Variants in DST observed in about 807,000 individuals in gnomAD.
DST encodes dystonin.
Under a neutral mutation model 875.2 loss-of-function variants are expected in DST, and 253 were observed. The ratio of observed to expected loss-of-function variants is 0.29; its 90% CI spans 0.26 to 0.32. DST has a LOEUF of 0.32. Ranked by LOEUF, DST falls within the 10% of genes least tolerant of loss-of-function variation. DST has a pLI of 1.00. For synonymous variants in DST, 3,124 were observed against 3,197.1 expected, an observed-to-expected ratio of 0.98 and a Z score of 0.77; for missense variants, 8,287 against 9,111.6, an observed-to-expected ratio of 0.91 and a Z score of 3.68.
rs1296313409 is a variant in DST, at chr6:56,714,819, G to C, written c.688-10450C>G. Among the ~76,000 whole-genome samples the C allele has an allele frequency of 6.6e-6, 1 of 152,154 alleles. No homozygotes were observed. The highest frequency in any genetic ancestry group is 1.5e-5 in the Non-Finnish European group (1 of 68,014). On this transcript the variant is annotated intron_variant, in intron 5 of 103. Transcript: ENST00000680361. The surrounding 1 kb of genome is among the most constrained non-coding windows in gnomAD (Gnocchi z 4.5). Reference sequence around the variant, plus strand: ...ATTGATAACTCCTCCTCTAGTTACTGAAATCTTACTTTTCCTACTAGGTCA... The same window carrying C: ...ATTGATAACTCCTCCTCTAGTTACTCAAATCTTACTTTTCCTACTAGGTCA...
intron 36 of DST, among the ~76,000 whole-genome samples, chr6:56,623,975 A>G (rs2098712030): frequency 6.6e-6 from 1 of 151,792 alleles, no homozygotes; most frequent in South Asian, 2.1e-4. Context: ...GCCATGTGCT[A>G]TATCTTTTTG....
rs776402617 is a variant in DST, at chr6:56,552,874, A to T, written c.15918T>A (p.Ala5306=). 6.2e-7 allele frequency: 1 copy of T among 1,613,954 alleles called. No homozygotes were observed. The highest frequency in any genetic ancestry group is 8.5e-7 in the Non-Finnish European group (1 of 1,179,906). ...ACATGGTCAGGTATTTGTTACTGTA[A>T]GCCTGGGATCCCAGCGAATCATGGA... The part of the protein sequence containing the change: ...LDIHDSLGSQ[A]YSNKYLTMLQ... The change falls in exon 61 of 104, where the codon GCT becomes GCA. Residue 5306 remains alanine (A), a synonymous_variant. Transcript: ENST00000680361.
chr6:56,517,239 T>C lies in DST; in HGVS notation c.18316A>G (p.Ile6106Val). ...IDDLVKSGHK[I>V]MTACSEEEKQ... ...TCCTCTTCACTGCATGCGGTCATGA[T>C]TTTATGCCCAGATTTAACAAGGTCA... Residue 6106 changes from isoleucine (I) to valine (V), a missense_variant, in exon 71 of 104, where the codon ATC becomes GTC. Physicochemically the swap from Ile to Val is conservative, Grantham distance 29. This residue lies in a region of DST where 1,292 missense variants were observed against 1,552.7 expected (regional missense o/e 0.83). Coordinates refer to ENST00000680361, the MANE Select transcript of DST (RefSeq NM_001374736.1). 6.2e-7 allele frequency: 1 copy of C among 1,613,324 alleles called. No individual in the cohort carries two copies. The highest frequency in any genetic ancestry group is 8.5e-7 in the Non-Finnish European group (1 of 1,179,572).
chr6:56,476,338 C>A lies in DST; in HGVS notation c.21676-1G>T. The stretch of plus-strand genomic sequence containing the variant: ...GATGTTGCTTTGCCCAGGCCAGCAC[C>A]TGTCAGAGAAACAGAAATTTCTCTG... On this transcript the variant is annotated splice_acceptor_variant, in intron 91 of 103. Coordinates refer to ENST00000680361, the MANE Select transcript of DST (RefSeq NM_001374736.1). LOFTEE classifies it high-confidence loss of function. 6.4e-7 allele frequency: 1 copy of A among 1,554,784 alleles called. No homozygotes were observed.
chr6:56,696,584 A>T (rs2099265281), intron 9 of DST, among the ~76,000 whole-genome samples: 1 of 151,964 alleles, frequency 6.6e-6, no homozygotes, highest in South Asian at 2.1e-4. Context: ...AATTTTCTCA[A>T]ACTCAGCCTC....
chr6:56,728,579 G>T (rs1207239190), intron 5 of DST, among the ~76,000 whole-genome samples: 1 of 152,120 alleles, frequency 6.6e-6, no homozygotes, highest in African/African-American at 2.4e-5. Context: ...AGGAGGCTGA[G>T]GCACAAGAAT....
At chr6:56,465,527 A>G (rs771950128) in intron 99 of DST, among the ~76,000 whole-genome samples, 23 of 152,170 alleles carry the variant, frequency 1.5e-4, no homozygotes, top group Non-Finnish European at 2.2e-4. Context: ...CTTGGGCTGG[A>G]AGATATGTAG....
At position 56,604,621 on chromosome 6, in the gene DST, C is replaced by T. The variant is rs772782699; in HGVS notation, c.10007G>A (p.Arg3336Lys). The change falls in exon 40 of 104, where the codon AGA (arginine) becomes AAA (lysine). Residue 3336 changes from arginine (R) to lysine (K), a missense_variant. Coordinates refer to ENST00000680361, the MANE Select transcript of DST (RefSeq NM_001374736.1). ...AATCTGAACCTCCTTTTCTTGGGAT[C>T]TTGGAGACAAGGCTTGTTCTTTTGG... Reference protein sequence around the residue: ...QLPKEQALSPRSQEKEVQIPE... With the variant: ...QLPKEQALSPKSQEKEVQIPE... The T allele has an allele frequency of 6.2e-7, 1 of 1,612,286 alleles. No homozygotes were observed. Among genetic ancestry groups the T allele is most frequent in the South Asian group, 1.1e-5 (1 of 90,828 alleles).
intron 36 of DST, chr6:56,620,480 T>C (rs755171057): frequency 6.2e-7 from 1 of 1,614,180 alleles, no homozygotes; most frequent in Non-Finnish European, 8.5e-7. Context: ...CCTTATCTTC[T>C]GCAGAGAGAT....
Position 56,502,672 on chromosome 6 carries a change from A to C in DST, c.19567-979T>G, listed in dbSNP as rs567508767. 1.7e-4 allele frequency among the ~76,000 whole-genome samples: 26 copies of C among 152,210 alleles called. No individual in the cohort carries two copies. In the East Asian group the frequency reaches 4.2e-3, roughly 25 times the overall value. On this transcript the variant is annotated intron_variant, in intron 78 of 103. Transcript: ENST00000680361. ...AAAATAACCAAAATAAATTATCCAC[A>C]CCCATAATTGTACATAAAGTATATC...
At chr6:56,573,605 C>A (rs1384462124) in intron 51 of DST, 74 bp downstream of exon 51, 3 of 1,116,846 alleles carry the variant, frequency 2.7e-6, no homozygotes, top group African/African-American at 1.6e-5. Context: ...TATCTTAAAT[C>A]TAACTACACT....
intron 4 of DST, among the ~76,000 whole-genome samples, chr6:56,771,795 T>C (rs2099666698): frequency 2.0e-5 from 3 of 152,208 alleles, no homozygotes; most frequent in African/African-American, 7.2e-5. Context: ...ACTTTTCTTC[T>C]AAATGCACAT....
At chr6:56,664,490 C>T (rs901574758) in intron 10 of DST, among the ~76,000 whole-genome samples, 1 of 152,298 alleles carries the variant, frequency 6.6e-6, no homozygotes, top group South Asian at 2.1e-4. Context: ...GATTTCATTC[C>T]TCTATATCAA....
intron 6 of DST, 46 bp downstream of exon 6, chr6:56,704,232 GAA>G: frequency 9.9e-7 from 1 of 1,014,716 alleles, no homozygotes; most frequent in Non-Finnish European, 1.5e-6. Flanking sequence ...GTCCTATGCA[GAA>G]AAGATTACAC....
intron 2 of DST, among the ~76,000 whole-genome samples, chr6:56,920,362 C>G (rs1441903135): frequency 1.3e-5 from 2 of 152,186 alleles, no homozygotes; most frequent in African/African-American, 2.4e-5. Context: ...TATATATCAC[C>G]TCTACTTATA....
intron 2 of DST, among the ~76,000 whole-genome samples, chr6:56,919,345 T>C (rs1417571700): frequency 6.6e-6 from 1 of 152,206 alleles, no homozygotes. Flanking sequence ...CATCTGGAAT[T>C]AATCATATGT....
At chr6:56,644,433 C>T (rs181068721) in intron 15 of DST, among the ~76,000 whole-genome samples, 3 of 151,826 alleles carry the variant, frequency 2.0e-5, no homozygotes, top group African/African-American at 7.3e-5. Context: ...ATGTGTAAGG[C>T]ACAGAGAACA....
At position 56,954,486 on chromosome 6, in the gene DST, G is replaced by A. The variant is rs1824235604; in HGVS notation, c.102C>T (p.Phe34=). The change falls in exon 1 of 104, where the codon TTC becomes TTT. Residue 34 remains phenylalanine (F), a synonymous_variant. Coordinates refer to ENST00000680361, the MANE Select transcript of DST (RefSeq NM_001374736.1). ...LLLGTIATIV[F]FCCWHRKLQK... is the part of the protein sequence containing the mutation. ...GGAGCTTGCGGTGCCAGCAGCAGAAGAAGACGATGGTGGCGATGGTGCCCA... is the reference window on the plus strand; with the variant it reads ...GGAGCTTGCGGTGCCAGCAGCAGAAAAAGACGATGGTGGCGATGGTGCCCA... 1 of 1,367,450 alleles carries A rather than the reference G, an allele frequency of 7.3e-7. No homozygotes were observed. The highest frequency in any genetic ancestry group is 1.9e-5 in the Admixed American group (1 of 52,568). The allele number at this position is 1,367,450 out of a possible 1,614,324, so 84.7% of individuals were successfully genotyped here.
chr6:56,601,808 T>C, intron 43 of DST, 132 bp from the exon 44 acceptor site: 1 of 596,074 alleles, frequency 1.7e-6, no homozygotes, highest in South Asian at 2.6e-5. Flanking sequence ...TTTTTTGCTA[T>C]TCATCAAAAA....
Sources: allele counts gnomAD v4.1 joint callset (sites outside exome capture counted in the v4.1 genomes callset), GRCh38; gene constraint gnomAD v4.1.1; regional missense constraint gnomAD v4.1.1; non-coding constraint Gnocchi (gnomAD v3.1); transcripts MANE v1.5; gene names NCBI Gene and HGNC (gene_info 2026-07-23, HGNC 2026-07-21).